The following CD53 variants were observed in gnomAD, a reference collection of about 807,000 sequenced individuals.
The protein encoded by CD53 is leukocyte surface antigen CD53.
A neutral mutation model predicts 27.3 loss-of-function variants in CD53; 20 were observed. The observed-to-expected ratio is 0.73, with a 90% CI of 0.52 to 1.07. The LOEUF (loss-of-function observed/expected upper bound fraction) is 1.07. Ranked by LOEUF, CD53 falls within the 50% of genes least tolerant of loss-of-function variation. CD53 has a pLI of 0.00. For synonymous variants in CD53, 106 were observed against 105.3 expected, an observed-to-expected ratio of 1.01 and a Z score of -0.04; for missense variants, 216 against 264.0, an observed-to-expected ratio of 0.82 and a Z score of 1.26.
chr1:110,872,108 A>T (rs1244704919), upstream of CD53, among the ~76,000 whole-genome samples: 2 of 152,178 alleles, frequency 1.3e-5, no homozygotes, highest in African/African-American at 4.8e-5. Flanking sequence ...CATTTATAAG[A>T]TGAAAACATT....
intron 1 of CD53, among the ~76,000 whole-genome samples, chr1:110,879,788 A>G (rs1010189410): frequency 6.6e-6 from 1 of 152,084 alleles, no homozygotes; most frequent in East Asian, 1.9e-4. Context: ...GGCTGGTCTT[A>G]AACTCCTAGG....
chr1:110,886,867 A>ATTTTTT (rs1275613699), intron 1 of CD53, among the ~76,000 whole-genome samples: 24 of 41,368 alleles, frequency 5.8e-4, no homozygotes, highest in Non-Finnish European at 7.9e-4. Context: ...ATATATATAT[A>ATTTTTT]TATTTTTTTT....
chr1:110,894,232 T>G, intron 3 of CD53, 95 bp from the exon 4 acceptor site: 4 of 1,002,154 alleles, frequency 4.0e-6, no homozygotes, highest in Non-Finnish European at 6.4e-6. Context: ...GAACACCCTG[T>G]ACTCGTGCAA....
At chr1:110,891,021 C>T (rs918189648) in intron 1 of CD53, among the ~76,000 whole-genome samples, 2 of 152,264 alleles carry the variant, frequency 1.3e-5, no homozygotes, top group African/African-American at 2.4e-5. Context: ...ATTGACCAGT[C>T]CATCCCTGAC....
At chr1:110,880,051 C>T (rs1040420393) in intron 1 of CD53, among the ~76,000 whole-genome samples, 6 of 152,182 alleles carry the variant, frequency 3.9e-5, no homozygotes, top group Non-Finnish European at 8.8e-5. Flanking sequence ...GATCCCTAAC[C>T]TCCATGTTGA....
At chr1:110,898,575 C>T (rs987323573) in intron 7 of CD53, among the ~76,000 whole-genome samples, 9 of 151,824 alleles carry the variant, frequency 5.9e-5, no homozygotes, top group African/African-American at 9.7e-5. Flanking sequence ...GGGCTGATGA[C>T]GAAAATTGTA....
chr1:110,898,332 G>A (rs553386827), intron 7 of CD53, among the ~76,000 whole-genome samples: 51 of 149,372 alleles, frequency 3.4e-4, no homozygotes, highest in Non-Finnish European at 6.4e-4. Flanking sequence ...AGTCAAGATC[G>A]TGCCACTGCA....
chr1:110,886,618 G>T (rs1409725241), intron 1 of CD53, among the ~76,000 whole-genome samples: 1 of 151,904 alleles, frequency 6.6e-6, no homozygotes, highest in Non-Finnish European at 1.5e-5. Flanking sequence ...GGAGGCCGAG[G>T]TGGGTGGGTC....
chr1:110,893,559 T>C (rs1439897489), intron 3 of CD53, among the ~76,000 whole-genome samples: 1 of 152,222 alleles, frequency 6.6e-6, no homozygotes, highest in Non-Finnish European at 1.5e-5. Context: ...CGACTTTAGG[T>C]GATCCACCTG....
intron 1 of CD53, among the ~76,000 whole-genome samples, chr1:110,875,705 A>G (rs2101036157): frequency 6.6e-6 from 1 of 152,286 alleles, no homozygotes; most frequent in South Asian, 2.1e-4. Flanking sequence ...ACTGAAGCAA[A>G]GTAACCCAGA....
At chr1:110,872,384 TAAGG>T (rs1655991731), upstream of CD53, among the ~76,000 whole-genome samples, 1 of 152,210 alleles carries the variant, frequency 6.6e-6, no homozygotes, top group African/African-American at 2.4e-5. Flanking sequence ...TGTATATAAA[TAAGG>T]ATGTAACAGT....
At chr1:110,874,986 G>A (rs1656068092) in intron 1 of CD53, among the ~76,000 whole-genome samples, 1 of 152,198 alleles carries the variant, frequency 6.6e-6, no homozygotes, top group Admixed American at 6.5e-5. Flanking sequence ...TATTATGGAT[G>A]ACAGTCACAG....
At chr1:110,885,397 A>G (rs1336472168) in intron 1 of CD53, among the ~76,000 whole-genome samples, 4 of 152,056 alleles carry the variant, frequency 2.6e-5, no homozygotes, top group African/African-American at 4.8e-5. Context: ...AATTAGCTGG[A>G]CGTGGTGGCA....
intron 1 of CD53, among the ~76,000 whole-genome samples, chr1:110,875,413 A>G (rs1656087974): frequency 6.6e-6 from 1 of 152,234 alleles, no homozygotes; most frequent in Non-Finnish European, 1.5e-5. Context: ...GAGGGAGAAG[A>G]GGCAGGTTTT....
chr1:110,886,880 C>A (rs1228407122), intron 1 of CD53, among the ~76,000 whole-genome samples: 3 of 51,888 alleles, frequency 5.8e-5, no homozygotes, highest in African/African-American at 1.4e-4. Flanking sequence ...TTTTTTTTTT[C>A]TGTCTGTGTT....
At chr1:110,886,871 T>TATATATATATATATATATA (rs1243346959) in intron 1 of CD53, among the ~76,000 whole-genome samples, 1 of 76,052 alleles carries the variant, frequency 1.3e-5, no homozygotes, top group African/African-American at 3.6e-5. Flanking sequence ...ATATATATAT[T>TATATATATATATATATATA]TTTTTTTTCT....
chr1:110,895,091 G>A (rs748348785), intron 5 of CD53, 36 bp downstream of exon 5: 1 of 1,478,756 alleles, frequency 6.8e-7, no homozygotes, highest in Non-Finnish European at 9.5e-7. Context: ...GATCAGCCCA[G>A]ACTTCATTTT....
chr1:110,898,848 A>G (rs1302383707), intron 7 of CD53, among the ~76,000 whole-genome samples: 1 of 152,126 alleles, frequency 6.6e-6, no homozygotes, highest in Non-Finnish European at 1.5e-5. Context: ...GCAGAATATG[A>G]CCATCCTAGC....
intron 1 of CD53, among the ~76,000 whole-genome samples, chr1:110,875,584 C>T (rs1341151323): frequency 1.3e-5 from 2 of 152,164 alleles, no homozygotes; most frequent in African/African-American, 4.8e-5. Context: ...GCCTAGGGCA[C>T]TTCTTGTACC....
Sources: allele counts gnomAD v4.1 joint callset (sites outside exome capture counted in the v4.1 genomes callset), GRCh38; gene constraint gnomAD v4.1.1; transcripts MANE v1.5; gene names NCBI Gene and HGNC (gene_info 2026-07-23, HGNC 2026-07-21).